The following THSD4 variants were observed in gnomAD, a reference collection of about 807,000 sequenced individuals.
The protein encoded by THSD4 is thrombospondin type-1 domain-containing protein 4.
In THSD4, 69 loss-of-function variants were observed where a neutral mutation model predicts 119.0. The observed-to-expected ratio is 0.58, with a 90% confidence interval of 0.48 to 0.71. The LOEUF (loss-of-function observed/expected upper bound fraction) is 0.71. Ranked by LOEUF, THSD4 falls within the 30% of genes least tolerant of loss-of-function variation. The probability of loss-of-function intolerance (pLI) is 0.00; values close to 1 mark genes in which losing one functional copy is unlikely to be tolerated. For missense variants in THSD4, 1,393 were observed against 1,391.1 expected (o/e 1.00, Z -0.02); for synonymous variants, 524 against 540.4 (o/e 0.97, Z 0.42).
At chr15:71,707,287 C>A (rs1338695957) in intron 8 of THSD4, among the ~76,000 whole-genome samples, 1 of 152,140 alleles carries the variant, frequency 6.6e-6, no homozygotes, top group Non-Finnish European at 1.5e-5. Context: ...TAGTACCCAG[C>A]CCAGAAGACA....
chr15:71,766,450 G>C (rs1462221775), intron 16 of THSD4, among the ~76,000 whole-genome samples: 1 of 152,104 alleles, frequency 6.6e-6, no homozygotes, highest in Non-Finnish European at 1.5e-5. Context: ...GGTGATAAAA[G>C]GGAATTTTGC....
chr15:71,338,075 A>G (rs2045511793), intron 6 of THSD4, among the ~76,000 whole-genome samples: 1 of 152,164 alleles, frequency 6.6e-6, no homozygotes. Flanking sequence ...TTCCCCCATC[A>G]ATGCCCCAAA....
chr15:71,208,105 T>G (rs2043860002), intron 3 of THSD4, among the ~76,000 whole-genome samples: 1 of 152,180 alleles, frequency 6.6e-6, no homozygotes, highest in Non-Finnish European at 1.5e-5. Context: ...TGCTGGAAAT[T>G]CAAATTCCAG....
At chr15:71,673,980 T>C (rs919443779) in intron 8 of THSD4, among the ~76,000 whole-genome samples, 1 of 152,208 alleles carries the variant, frequency 6.6e-6, no homozygotes, top group African/African-American at 2.4e-5. Flanking sequence ...CAGTTGTGTG[T>C]TCTTATGGCT....
In THSD4 at chr15:71,242,764, C is replaced by T. The variant is rs943068331; in HGVS notation, c.580C>T (p.Leu194Phe). 2 of 1,614,070 alleles carry T rather than the reference C, an allele frequency of 1.2e-6. No homozygotes were observed. Among genetic ancestry groups the T allele is most frequent in the Non-Finnish European group, 1.7e-6 (2 of 1,180,054 alleles). The change falls in exon 5 of 18, where the codon CTC becomes TTC. Residue 194 changes from leucine to phenylalanine, a missense_variant. Leu to Phe is a conservative substitution (Grantham distance 22). Transcript: ENST00000261862. ...HTPQRLRRQK[L>F]SSRHSRSQGA... ...GCCACAGAGGCTCCGGAGACAGAAG[C>T]TCTCATCCCGCCATTCCAGGTCCCA...
At chr15:71,250,185 A>G (rs1443019095) in intron 5 of THSD4, among the ~76,000 whole-genome samples, 1 of 152,166 alleles carries the variant, frequency 6.6e-6, no homozygotes, top group Non-Finnish European at 1.5e-5. Context: ...CACCTCACAC[A>G]TGGAGCGCTG....
At chr15:71,113,611 T>C (rs910554924), upstream of THSD4, 1 of 152,242 alleles carries the variant, frequency 6.6e-6, no homozygotes, top group African/African-American at 2.4e-5. Flanking sequence ...GTATGAGCTC[T>C]TAAATACTTC....
chr15:71,362,213 A>G (rs765420856), intron 6 of THSD4, among the ~76,000 whole-genome samples: 2 of 152,194 alleles, frequency 1.3e-5, no homozygotes, highest in Non-Finnish European at 2.9e-5. Flanking sequence ...TGGGAGGTGG[A>G]GGTTGCAGTG....
chr15:71,477,161 G>A (rs1261907532), intron 7 of THSD4, among the ~76,000 whole-genome samples: 1 of 152,188 alleles, frequency 6.6e-6, no homozygotes, highest in Non-Finnish European at 1.5e-5. Context: ...TTGAAACGAG[G>A]CAAAAGCTCC....
At chr15:71,643,428 A>C (rs1451988812) in intron 7 of THSD4, among the ~76,000 whole-genome samples, 1 of 151,616 alleles carries the variant, frequency 6.6e-6, no homozygotes, top group Non-Finnish European at 1.5e-5. Context: ...CCTAGTACCC[A>C]ATAGTTATTT....
At chr15:71,163,249 A>G (rs571074674) in intron 3 of THSD4, among the ~76,000 whole-genome samples, 1 of 151,502 alleles carries the variant, frequency 6.6e-6, no homozygotes, top group East Asian at 1.9e-4. Flanking sequence ...CTAGTAAAAC[A>G]GTCATTTTTT....
At chr15:71,531,388 G>C (rs142512768) in intron 7 of THSD4, among the ~76,000 whole-genome samples, 1 of 152,308 alleles carries the variant, frequency 6.6e-6, no homozygotes, top group Non-Finnish European at 1.5e-5. Flanking sequence ...CAGTTAGGAA[G>C]TGACTGAAAA....
chr15:71,347,427 C>T (rs1249768754), intron 6 of THSD4, among the ~76,000 whole-genome samples: 1 of 152,202 alleles, frequency 6.6e-6, no homozygotes, highest in Non-Finnish European at 1.5e-5. Context: ...GGACATCTCC[C>T]TTGCATGGCT....
intron 6 of THSD4, among the ~76,000 whole-genome samples, chr15:71,305,339 T>C (rs375804621): frequency 2.0e-5 from 3 of 152,286 alleles, no homozygotes; most frequent in East Asian, 3.9e-4. Context: ...GATGAAGATA[T>C]ATTCAATTAT....
At chr15:71,170,646 G>A (rs1315724621) in intron 3 of THSD4, among the ~76,000 whole-genome samples, 1 of 152,156 alleles carries the variant, frequency 6.6e-6, no homozygotes, top group African/African-American at 2.4e-5. Context: ...AAGATGTCTA[G>A]CATTTAGTCA....
intron 5 of THSD4, among the ~76,000 whole-genome samples, chr15:71,249,108 T>C (rs1209323566): frequency 6.6e-6 from 1 of 152,130 alleles, no homozygotes; most frequent in Non-Finnish European, 1.5e-5. Context: ...TTCATACATA[T>C]ATATATACAC....
At chr15:71,332,597 G>A (rs1455462030) in intron 6 of THSD4, among the ~76,000 whole-genome samples, 5 of 152,190 alleles carry the variant, frequency 3.3e-5, no homozygotes. Flanking sequence ...AGCATGCCTC[G>A]GATTTGAACC....
At chr15:71,112,098 T>C (rs764233341), upstream of THSD4, 1 of 1,612,732 alleles carries the variant, frequency 6.2e-7, no homozygotes, top group Non-Finnish European at 8.5e-7. Context: ...TCCCAGAAGG[T>C]TGCTCTCAGC....
chr15:71,120,412 C>T (rs764319074), intron 1 of THSD4, among the ~76,000 whole-genome samples: 9 of 152,338 alleles, frequency 5.9e-5, no homozygotes, highest in Non-Finnish European at 4.4e-5. Context: ...CCAGCCTTTC[C>T]GAAGCTGATC....
Sources: gnomAD v4.1 joint callset for allele counts (sites outside exome capture counted in the v4.1 genomes callset) on GRCh38, gnomAD v4.1.1 for gene constraint, MANE v1.5 for transcripts, NCBI Gene and HGNC (gene_info 2026-07-23, HGNC 2026-07-21) for gene names.